The following VRK2 variants were observed in gnomAD, a reference collection of about 807,000 sequenced individuals.
The protein encoded by VRK2 is VRK serine/threonine kinase 2.
A neutral mutation model predicts 57.6 loss-of-function variants in VRK2; 60 were observed. The observed-to-expected ratio is 1.04, with a 90% confidence interval of 0.85 to 1.29. The LOEUF (loss-of-function observed/expected upper bound fraction) is 1.29. VRK2 is among the 50% of genes most tolerant of loss of function. The pLI is 0.00. For missense variants in VRK2, 705 were observed against 588.1 expected (o/e 1.20, Z -2.06); for synonymous variants, 231 against 199.2 (o/e 1.16, Z -1.35).
intron 1 of VRK2, among the ~76,000 whole-genome samples, chr2:57,958,289 T>C (rs1671646276): frequency 1.3e-5 from 2 of 152,162 alleles, no homozygotes; most frequent in Non-Finnish European, 2.9e-5. Flanking sequence ...TCAGCTTCAT[T>C]GTACTTCTTT....
chr2:58,005,272 C>T (rs1010392036), intron 1 of VRK2, among the ~76,000 whole-genome samples: 1 of 152,066 alleles, frequency 6.6e-6, no homozygotes, highest in Non-Finnish European at 1.5e-5. Context: ...AAAATATTAT[C>T]TAAATAGATT....
chr2:57,944,957 T>C (rs1056154170), intron 1 of VRK2, among the ~76,000 whole-genome samples: 1 of 152,184 alleles, frequency 6.6e-6, no homozygotes, highest in Non-Finnish European at 1.5e-5. Flanking sequence ...AGAAAGAATC[T>C]TGTGAATTAG....
At chr2:58,157,686 G>A (rs1342223433) in intron 12 of VRK2, among the ~76,000 whole-genome samples, 1 of 152,150 alleles carries the variant, frequency 6.6e-6, no homozygotes, top group Non-Finnish European at 1.5e-5. Flanking sequence ...ATTTTAACAA[G>A]TTATGATGAT....
chr2:58,110,031 G>A (rs1406677291), intron 7 of VRK2, among the ~76,000 whole-genome samples: 1 of 152,198 alleles, frequency 6.6e-6, no homozygotes, highest in Non-Finnish European at 1.5e-5. Context: ...ACTAAGTGTA[G>A]AACTTGGGAA....
intron 1 of VRK2, among the ~76,000 whole-genome samples, chr2:58,002,845 GCTT>G (rs1486051471): frequency 1.3e-5 from 2 of 152,180 alleles, no homozygotes. Flanking sequence ...GTTAAAGCAT[GCTT>G]CATTTTGTGT....
intron 1 of VRK2, among the ~76,000 whole-genome samples, chr2:57,977,469 C>A (rs1362283909): frequency 6.6e-6 from 1 of 151,454 alleles, no homozygotes; most frequent in South Asian, 2.1e-4. Flanking sequence ...TATTTTTTTT[C>A]TTTTTGTGGC....
At chr2:57,937,285 GA>G (rs1288913510) in intron 1 of VRK2, among the ~76,000 whole-genome samples, 1 of 152,106 alleles carries the variant, frequency 6.6e-6, no homozygotes, top group Non-Finnish European at 1.5e-5. Flanking sequence ...GGGTTCATAA[GA>G]AAAATACTAA....
chr2:57,925,641 A>C (rs1670506452), intron 1 of VRK2, among the ~76,000 whole-genome samples: 2 of 151,652 alleles, frequency 1.3e-5, no homozygotes, highest in Non-Finnish European at 2.9e-5. Flanking sequence ...TAACAAATCA[A>C]CTTTTCATTT....
chr2:58,088,954 T>G (rs1163435028), intron 6 of VRK2, among the ~76,000 whole-genome samples: 1 of 152,198 alleles, frequency 6.6e-6, no homozygotes, highest in Non-Finnish European at 1.5e-5. Flanking sequence ...ATACTACATA[T>G]TTGTCTTATA....
chr2:57,949,757 G>A (rs1190972016), intron 1 of VRK2, among the ~76,000 whole-genome samples: 4 of 152,130 alleles, frequency 2.6e-5, no homozygotes, highest in Non-Finnish European at 5.9e-5. Context: ...CATTTCAAAA[G>A]CCCAGATAGA....
At chr2:57,949,576 T>A (rs928608674) in intron 1 of VRK2, among the ~76,000 whole-genome samples, 3 of 152,170 alleles carry the variant, frequency 2.0e-5, no homozygotes, top group African/African-American at 7.2e-5. Context: ...CTGGCCATTC[T>A]CCTATTTCTC....
At chr2:57,973,553 C>T (rs751339439) in intron 1 of VRK2, among the ~76,000 whole-genome samples, 24 of 151,562 alleles carry the variant, frequency 1.6e-4, no homozygotes, top group Non-Finnish European at 2.8e-4. Flanking sequence ...CCTCTCTTGC[C>T]GCCTTACCTC....
At chr2:58,090,329 G>A (rs1672197897) in intron 7 of VRK2, among the ~76,000 whole-genome samples, 2 of 149,604 alleles carry the variant, frequency 1.3e-5, no homozygotes, top group African/African-American at 5.0e-5. Context: ...CCAGGAGGCG[G>A]ATGTTGCAGT....
chr2:57,926,627 T>G (rs935276580), intron 1 of VRK2, among the ~76,000 whole-genome samples: 11 of 151,804 alleles, frequency 7.2e-5, no homozygotes, highest in African/African-American at 2.7e-4. Context: ...TTTACAGTTT[T>G]TGTCTTGAAA....
At chr2:57,938,218 A>C (rs1670979849) in intron 1 of VRK2, among the ~76,000 whole-genome samples, 1 of 152,038 alleles carries the variant, frequency 6.6e-6, no homozygotes, top group African/African-American at 2.4e-5. Flanking sequence ...CTTTCTCTAG[A>C]CCCTAGCACA....
At chr2:58,053,121 T>A (rs1388081342) in intron 2 of VRK2, among the ~76,000 whole-genome samples, 8 of 152,222 alleles carry the variant, frequency 5.3e-5, no homozygotes. Context: ...TTTGTTCTCT[T>A]CCATAATTAT....
intron 1 of VRK2, among the ~76,000 whole-genome samples, chr2:57,930,176 G>T (rs1418367510): frequency 6.6e-6 from 1 of 152,164 alleles, no homozygotes; most frequent in African/African-American, 2.4e-5. Flanking sequence ...GGCCTTTCAA[G>T]TTTCTTTGGT....
intron 1 of VRK2, among the ~76,000 whole-genome samples, chr2:58,010,254 A>G (rs1001850140): frequency 3.3e-5 from 5 of 152,114 alleles, no homozygotes; most frequent in African/African-American, 1.2e-4. Flanking sequence ...TAGTTAGCAC[A>G]TTTCTAAAAT....
At chr2:57,994,831 C>A (rs1459983271) in intron 1 of VRK2, among the ~76,000 whole-genome samples, 1 of 151,942 alleles carries the variant, frequency 6.6e-6, no homozygotes, top group African/African-American at 2.4e-5. Context: ...TGATTTTTAT[C>A]AAAAATTCCT....
Sources: gnomAD v4.1 joint callset for allele counts (sites outside exome capture counted in the v4.1 genomes callset) on GRCh38, gnomAD v4.1.1 for gene constraint, MANE v1.5 for transcripts, NCBI Gene and HGNC (gene_info 2026-07-23, HGNC 2026-07-21) for gene names.